Variants in MPPED2 observed in about 807,000 individuals in gnomAD.
MPPED2 encodes metallophosphoesterase MPPED2.
A neutral mutation model predicts 33.0 loss-of-function variants in MPPED2; 5 were observed. That is an observed-to-expected ratio of 0.15 (90% CI 0.08 to 0.32). MPPED2 has a LOEUF of 0.32. Ranked by LOEUF, MPPED2 falls within the 10% of genes least tolerant of loss-of-function variation. MPPED2 has a pLI of 1.00. For missense variants in MPPED2, 275 were observed against 372.1 expected, an observed-to-expected ratio of 0.74 and a Z score of 2.15; for synonymous variants, 136 against 141.9, an observed-to-expected ratio of 0.96 and a Z score of 0.29.
At chr11:30,528,312 G>A (rs541015866) in intron 3 of MPPED2, among the ~76,000 whole-genome samples, 1 of 152,074 alleles carries the variant, frequency 6.6e-6, no homozygotes, top group African/African-American at 2.4e-5. Context: ...CTAGAGTGCA[G>A]TAGCACGATC....
At chr11:30,536,728 A>T (rs150770922) in intron 2 of MPPED2, among the ~76,000 whole-genome samples, 1 of 152,014 alleles carries the variant, frequency 6.6e-6, no homozygotes, top group East Asian at 1.9e-4. Context: ...GGTTTTTGCT[A>T]TTCACAAATC....
At chr11:30,532,098 G>T (rs1429775855) in intron 3 of MPPED2, among the ~76,000 whole-genome samples, 3 of 152,126 alleles carry the variant, frequency 2.0e-5, no homozygotes, top group Non-Finnish European at 4.4e-5. Flanking sequence ...GTTATTGTGG[G>T]GGTTGTATGA....
chr11:30,456,186 T>C (rs117751470), intron 4 of MPPED2, among the ~76,000 whole-genome samples: 1 of 152,198 alleles, frequency 6.6e-6, no homozygotes, highest in African/African-American at 2.4e-5. Flanking sequence ...GAATGAAGAA[T>C]CTGGGAAAAT....
At chr11:30,577,985 CAGAT>C (rs1400893161) in intron 2 of MPPED2, among the ~76,000 whole-genome samples, 2 of 152,092 alleles carry the variant, frequency 1.3e-5, no homozygotes, top group Admixed American at 6.5e-5. Context: ...GACAGATAGG[CAGAT>C]AGATAGATAC....
At chr11:30,535,756 C>A (rs1384986520) in intron 3 of MPPED2, among the ~76,000 whole-genome samples, 1 of 152,158 alleles carries the variant, frequency 6.6e-6, no homozygotes, top group Non-Finnish European at 1.5e-5. Flanking sequence ...GGTTTCAAAG[C>A]TTTCCATCCC....
In MPPED2 at chr11:30,444,215, G is replaced by A. The variant is rs1284263564; in HGVS notation, c.537-26582C>T. Among the ~76,000 whole-genome samples the A allele has an allele frequency of 3.3e-5, 5 of 152,186 alleles. No homozygotes were observed. In the East Asian group the frequency reaches 9.6e-4, roughly 29 times the overall value. On this transcript the variant is annotated intron_variant, in intron 4 of 6. Transcript: ENST00000358117. ...AGAAAGGTAGAATAAATGATACTGA[G>A]AGAGAGAACTGACCCGGCATGATCT...
intron 2 of MPPED2, among the ~76,000 whole-genome samples, chr11:30,563,552 G>A (rs1242175597): frequency 6.6e-6 from 1 of 152,128 alleles, no homozygotes; most frequent in African/African-American, 2.4e-5. Context: ...AGTGACAGGA[G>A]ATAGTAGGGG....
intron 4 of MPPED2, among the ~76,000 whole-genome samples, chr11:30,476,356 A>G (rs1236163586): frequency 6.6e-6 from 1 of 152,036 alleles, no homozygotes; most frequent in Non-Finnish European, 1.5e-5. Context: ...GCAAAGATTA[A>G]GTTTTCTTCT....
At chr11:30,518,463 G>A (rs1043064140) in intron 3 of MPPED2, among the ~76,000 whole-genome samples, 1 of 152,136 alleles carries the variant, frequency 6.6e-6, no homozygotes, top group African/African-American at 2.4e-5. Context: ...CAATAAATAT[G>A]CCAAAATGAA....
intron 2 of MPPED2, among the ~76,000 whole-genome samples, chr11:30,575,154 A>C (rs1956872129): frequency 6.6e-6 from 1 of 152,174 alleles, no homozygotes; most frequent in Non-Finnish European, 1.5e-5. Flanking sequence ...GATACCCTAA[A>C]AGCTACAGAT....
intron 2 of MPPED2, among the ~76,000 whole-genome samples, chr11:30,543,792 CT>C (rs35206591): frequency 0.031 from 3,268 of 106,586 alleles, 60 homozygotes; most frequent in Admixed American, 0.06. Flanking sequence ...TGGCGTTGTT[CT>C]TTTTTTTTTT....
intron 3 of MPPED2, among the ~76,000 whole-genome samples, chr11:30,512,638 G>A (rs1252771270): frequency 6.6e-6 from 1 of 152,124 alleles, no homozygotes; most frequent in Non-Finnish European, 1.5e-5. Flanking sequence ...CGATTATAAA[G>A]CCTGAGATAG....
chr11:30,469,603 C>T (rs1950863777), intron 4 of MPPED2, among the ~76,000 whole-genome samples: 6 of 152,160 alleles, frequency 3.9e-5, no homozygotes, highest in Admixed American at 3.3e-4. Context: ...ACCTAGCCTC[C>T]TTTTCTATAG....
At chr11:30,443,438 T>C (rs894191521) in intron 4 of MPPED2, among the ~76,000 whole-genome samples, 12 of 152,162 alleles carry the variant, frequency 7.9e-5, no homozygotes, top group Admixed American at 5.9e-4. Flanking sequence ...GACTTCAGGG[T>C]CAGGCTTTTG....
intron 4 of MPPED2, among the ~76,000 whole-genome samples, chr11:30,483,627 T>C (rs935718947): frequency 2.6e-5 from 4 of 152,332 alleles, no homozygotes; most frequent in Middle Eastern, 3.4e-3. Context: ...GAAAGGTTTT[T>C]CTACTGATGA....
intron 3 of MPPED2, among the ~76,000 whole-genome samples, chr11:30,510,528 GATTGGTATCTTTTTATA>G (rs1953106575): frequency 6.6e-6 from 1 of 152,174 alleles, no homozygotes; most frequent in Non-Finnish European, 1.5e-5. Flanking sequence ...AGATTTTCTA[GATTGGTATCTTTTTATA>G]ATATGTAGGC....
intron 2 of MPPED2, among the ~76,000 whole-genome samples, chr11:30,548,218 C>CTT (rs5790821): frequency 3.4e-4 from 51 of 149,964 alleles, no homozygotes; most frequent in African/African-American, 5.4e-4. Flanking sequence ...AAGTAACTAT[C>CTT]TTTTTTTTTT....
chr11:30,477,187 G>T (rs891632266), intron 4 of MPPED2, among the ~76,000 whole-genome samples: 2 of 151,780 alleles, frequency 1.3e-5, no homozygotes, highest in Non-Finnish European at 2.9e-5. Flanking sequence ...TTACTTCTTT[G>T]TCTCCAATCT....
chr11:30,402,875 A>G (rs1400868437), intron 6 of MPPED2, among the ~76,000 whole-genome samples: 3 of 152,214 alleles, frequency 2.0e-5, no homozygotes, highest in Non-Finnish European at 4.4e-5. Flanking sequence ...CATTCATAAG[A>G]TGTGAAACCA....
Sources: allele counts gnomAD v4.1 joint callset (sites outside exome capture counted in the v4.1 genomes callset), GRCh38; gene constraint gnomAD v4.1.1; transcripts MANE v1.5; gene names NCBI Gene and HGNC (gene_info 2026-07-23, HGNC 2026-07-21).